NHSL2: variants seen among roughly 807,000 people sequenced by gnomAD.
NHSL2 encodes NHS-like protein 2.
A neutral mutation model predicts 53.4 loss-of-function variants in NHSL2; 27 were observed. The observed-to-expected ratio is 0.51, with a 90% confidence interval of 0.37 to 0.70. The LOEUF is 0.70. NHSL2 is among the 30% of genes least tolerant of loss of function. The pLI is 0.00. For synonymous variants in NHSL2, 408 were observed against 404.1 expected, an observed-to-expected ratio of 1.01 and a Z score of -0.12; for missense variants, 892 against 980.1, an observed-to-expected ratio of 0.91 and a Z score of 1.20.
At chrX:71,959,335 C>T (rs996127125) in intron 1 of NHSL2, among the ~76,000 whole-genome samples, 5 of 111,902 alleles carry the variant, frequency 4.5e-5, no homozygotes, top group African/African-American at 9.8e-5. Context: ...ACAAATTTAT[C>T]GTATGAATAT....
chrX:72,064,631 A>G (rs975180067), intron 1 of NHSL2, among the ~76,000 whole-genome samples: 1 of 111,838 alleles, frequency 8.9e-6, no homozygotes, highest in Non-Finnish European at 1.9e-5. Flanking sequence ...ATCCCTGAGT[A>G]CAGAGGGGTA....
intron 1 of NHSL2, among the ~76,000 whole-genome samples, chrX:72,110,513 T>C (rs1241404524): frequency 9.1e-6 from 1 of 109,456 alleles, no homozygotes; most frequent in Non-Finnish European, 1.9e-5. Flanking sequence ...ATAGAATCAT[T>C]TACTATGCAT....
At chrX:71,984,641 A>T (rs1216368649) in intron 1 of NHSL2, among the ~76,000 whole-genome samples, 1 of 112,215 alleles carries the variant, frequency 8.9e-6, no homozygotes, top group Admixed American at 9.4e-5. Context: ...AATAACAGGT[A>T]TACCACAATT....
intron 1 of NHSL2, among the ~76,000 whole-genome samples, chrX:71,979,587 C>T (rs1390383891): frequency 3.6e-5 from 4 of 112,231 alleles, no homozygotes; most frequent in Admixed American, 9.4e-5. Context: ...TCATATCCTT[C>T]ACCCACTTTT....
intron 1 of NHSL2, among the ~76,000 whole-genome samples, chrX:71,930,172 G>A (rs1247846339): frequency 9.0e-6 from 1 of 111,520 alleles, no homozygotes; most frequent in Admixed American, 9.5e-5. Context: ...CATTCTATCT[G>A]CCCTGCCCAC....
At chrX:72,130,733 A>C in intron 1 of NHSL2, 1 of 1,211,955 alleles carries the variant, frequency 8.3e-7, no homozygotes, top group Non-Finnish European at 1.1e-6. Flanking sequence ...TGGAGGCGGC[A>C]GTCATCCCAA....
intron 1 of NHSL2, among the ~76,000 whole-genome samples, chrX:71,950,062 G>A (rs977666472): frequency 2.6e-5 from 3 of 113,463 alleles, no homozygotes; most frequent in African/African-American, 6.4e-5. Flanking sequence ...ATGCGCTTTC[G>A]CATTCCAAGT....
rs183714924 is a variant in NHSL2, at chrX:72,130,403, C to T, written c.281-1676C>T. The stretch of plus-strand genomic sequence containing the variant: ...TTCATTTCTTCCTCCTTCTTCATCT[C>T]CTCCTCCTCCTTCTCCTTCATCTCT... On this transcript the variant is annotated intron_variant, in intron 1 of 7. Transcript: ENST00000633930. 1.5e-4 allele frequency: 180 copies of T among 1,173,012 alleles called. No homozygotes were observed. The African/African-American group carries it at 2.8e-3, about 18-fold the overall frequency.
chrX:72,011,659 G>A (rs1231005905), intron 1 of NHSL2, among the ~76,000 whole-genome samples: 1 of 110,298 alleles, frequency 9.1e-6, no homozygotes, highest in Admixed American at 9.6e-5. Flanking sequence ...GACAGAGCGA[G>A]ACTCCATCTC....
At position 72,111,472 on chromosome X, in the gene NHSL2, G is replaced by A. The variant is rs769442836; in HGVS notation, c.281-20607G>A. ...TACTGTGAGCCAGGCACTGCACTAAGAAGTACTGGACACACTCATAGCAAC... is the reference window on the plus strand; with the variant it reads ...TACTGTGAGCCAGGCACTGCACTAAAAAGTACTGGACACACTCATAGCAAC... On this transcript the variant is annotated intron_variant, in intron 1 of 7. Coordinates refer to ENST00000633930, the MANE Select transcript of NHSL2 (RefSeq NM_001013627.3). Among the ~76,000 whole-genome samples the A allele has an allele frequency of 1.6e-4, 18 of 112,672 alleles. No homozygotes were observed. The South Asian group carries it at 4.4e-3, about 27-fold the overall frequency.
At chrX:71,947,802 C>T (rs2041800040) in intron 1 of NHSL2, among the ~76,000 whole-genome samples, 1 of 111,881 alleles carries the variant, frequency 8.9e-6, no homozygotes, top group African/African-American at 3.3e-5. Context: ...GAATGGAAAG[C>T]CAAACGTCGT....
At chrX:71,939,983 C>G (rs1206438861) in intron 1 of NHSL2, among the ~76,000 whole-genome samples, 1 of 111,465 alleles carries the variant, frequency 9.0e-6, no homozygotes, top group Non-Finnish European at 1.9e-5. Context: ...TGAGAGTTAT[C>G]AGTTTATAGA....
At chrX:71,945,048 T>A (rs769050290) in intron 1 of NHSL2, among the ~76,000 whole-genome samples, 5 of 112,226 alleles carry the variant, frequency 4.5e-5, no homozygotes, top group Non-Finnish European at 5.6e-5. Context: ...AGAAGACAGT[T>A]GTCCAGTTTG....
chrX:71,985,113 G>A (rs372753637), intron 1 of NHSL2, among the ~76,000 whole-genome samples: 9 of 111,732 alleles, frequency 8.1e-5, no homozygotes, highest in African/African-American at 1.6e-4. Context: ...ATGAGCCACC[G>A]TGCCCGGCTG....
intron 1 of NHSL2, among the ~76,000 whole-genome samples, chrX:72,104,903 G>A (rs1350109500): frequency 1.8e-5 from 2 of 111,772 alleles, no homozygotes; most frequent in East Asian, 5.6e-4. Context: ...AATTGTCATA[G>A]GCTGGCATCT....
chrX:72,029,124 G>T (rs1371016655), intron 1 of NHSL2, among the ~76,000 whole-genome samples: 3 of 111,450 alleles, frequency 2.7e-5, no homozygotes, highest in African/African-American at 6.5e-5. Flanking sequence ...AGGAGAAAAG[G>T]CCCGGCAAAA....
At chrX:72,046,117 T>C (rs1374689351) in intron 1 of NHSL2, among the ~76,000 whole-genome samples, 1 of 112,296 alleles carries the variant, frequency 8.9e-6, no homozygotes, top group African/African-American at 3.2e-5. Context: ...CTAAGCACTT[T>C]CATTGGTCTG....
intron 1 of NHSL2, among the ~76,000 whole-genome samples, chrX:72,048,998 G>GAAT (rs2042322145): frequency 1.1e-5 from 1 of 88,045 alleles, no homozygotes; most frequent in African/African-American, 4.3e-5. Flanking sequence ...AGAAGAAGAA[G>GAAT]AAGAAGAAGA....
At chrX:72,085,941 C>A (rs1291358365) in intron 1 of NHSL2, among the ~76,000 whole-genome samples, 2 of 110,640 alleles carry the variant, frequency 1.8e-5, no homozygotes, top group African/African-American at 6.6e-5. Context: ...TTCCTCGGGG[C>A]CTCCTTCCCT....
Sources: gnomAD v4.1 joint callset for allele counts (sites outside exome capture counted in the v4.1 genomes callset) on GRCh38, gnomAD v4.1.1 for gene constraint, MANE v1.5 for transcripts, NCBI Gene and HGNC (gene_info 2026-07-23, HGNC 2026-07-21) for gene names.